The following TBC1D2B variants were observed in gnomAD, a reference collection of about 807,000 sequenced individuals.
TBC1D2B encodes the protein TBC1 domain family, member 2B.
Under a neutral mutation model 100.8 loss-of-function variants are expected in TBC1D2B, and 64 were observed. That is an observed-to-expected ratio of 0.64 (90% CI 0.52 to 0.78). TBC1D2B has a LOEUF of 0.78. Ranked by LOEUF, TBC1D2B falls within the 30% of genes least tolerant of loss-of-function variation. TBC1D2B has a pLI of 0.00. For missense variants in TBC1D2B, 1,052 were observed against 1,218.4 expected (o/e 0.86, Z 2.03); for synonymous variants, 480 against 479.7 (o/e 1.00, Z -0.01).
At chr15:78,029,592 T>A (rs948561611) in intron 4 of TBC1D2B, among the ~76,000 whole-genome samples, 2 of 152,208 alleles carry the variant, frequency 1.3e-5, no homozygotes, top group Admixed American at 1.3e-4. Context: ...TGACAGTGGG[T>A]GCAGGGAGGT....
Position 78,077,702 on chromosome 15 carries a change from C to A in TBC1D2B, c.-50G>T. On this transcript the variant is annotated 5_prime_UTR_variant, in exon 1 of 13. Transcript: ENST00000300584. ...GCCCGCGCCCTGCGCCTCCGCGCCGCGGCCGCTGCGCCCCCTACCCCCTCC... is the reference window on the plus strand; with the variant it reads ...GCCCGCGCCCTGCGCCTCCGCGCCGAGGCCGCTGCGCCCCCTACCCCCTCC... 1.0e-6 allele frequency: 1 copy of A among 984,926 alleles called. No individual in the cohort carries two copies. Among genetic ancestry groups the A allele is most frequent in the Non-Finnish European group, 1.2e-6 (1 of 829,896 alleles). 61.0% of individuals were successfully genotyped at this position (984,926 alleles called of 1,614,324 possible).
In TBC1D2B at chr15:78,010,899, T is replaced by C. The variant is rs1285482433; in HGVS notation, c.2271-1785A>G. ...GTGTAGACAGAAAGCTTCAATTATC[T>C]GGAAGTGTCATTTATGTAGGAAAAA... On this transcript the variant is annotated intron_variant, in intron 9 of 12. Coordinates refer to ENST00000300584, the MANE Select transcript of TBC1D2B (RefSeq NM_144572.2). Among the ~76,000 whole-genome samples, 3 of 152,180 alleles carry C rather than the reference T, an allele frequency of 2.0e-5. 1 individual carries two copies. Among genetic ancestry groups the C allele is most frequent in the African/African-American group, 7.2e-5 (3 of 41,444 alleles).
chr15:78,057,096 C>T (rs183026154), intron 1 of TBC1D2B, among the ~76,000 whole-genome samples: 14 of 152,276 alleles, frequency 9.2e-5, no homozygotes, highest in Admixed American at 2.6e-4. Context: ...AATGCAGGCA[C>T]CATGAAAAAT....
At chr15:78,011,074 A>G (rs188370688) in intron 9 of TBC1D2B, among the ~76,000 whole-genome samples, 95 of 152,304 alleles carry the variant, frequency 6.2e-4, no homozygotes, top group African/African-American at 2.1e-3. Flanking sequence ...GCTTTAAGCA[A>G]AACAAAACTG....
At chr15:78,068,060 C>T (rs1281481531) in intron 1 of TBC1D2B, among the ~76,000 whole-genome samples, 1 of 152,202 alleles carries the variant, frequency 6.6e-6, no homozygotes, top group Non-Finnish European at 1.5e-5. Context: ...CCTCCCCTTC[C>T]TTTACTATGG....
At chr15:78,055,064 C>A (rs2141808576) in intron 1 of TBC1D2B, among the ~76,000 whole-genome samples, 1 of 152,220 alleles carries the variant, frequency 6.6e-6, no homozygotes, top group Admixed American at 6.5e-5. Context: ...GTGAAAGAAG[C>A]CTGACCCAAA....
At position 78,012,957 on chromosome 15, in the gene TBC1D2B, C is replaced by T. The variant is rs1184727506; in HGVS notation, c.2136G>A (p.Leu712=). ...TGTTGGGCAGAGTTCGCAGCAAGTCCAGCTCAATCTGCTTGGAGGCTGGGT... is the reference window on the plus strand; with the variant it reads ...TGTTGGGCAGAGTTCGCAGCAAGTCTAGCTCAATCTGCTTGGAGGCTGGGT... The part of the protein sequence containing the change: ...KQNPASKQIE[L]DLLRTLPNNK... The change falls in exon 9 of 13, where the codon CTG becomes CTA. Residue 712 remains leucine (L), a synonymous_variant. Transcript: ENST00000300584. The T allele has an allele frequency of 1.9e-6, 3 of 1,578,572 alleles. No homozygotes were observed. The highest frequency in any genetic ancestry group is 2.6e-6 in the Non-Finnish European group (3 of 1,159,080).
chr15:78,051,112 C>T (rs573241778), intron 2 of TBC1D2B, among the ~76,000 whole-genome samples: 9 of 152,280 alleles, frequency 5.9e-5, no homozygotes, highest in African/African-American at 1.9e-4. Flanking sequence ...AGCTTGGGCC[C>T]TTCAGTGGCA....
At chr15:78,039,887 G>A (rs1233026774) in intron 3 of TBC1D2B, among the ~76,000 whole-genome samples, 1 of 152,126 alleles carries the variant, frequency 6.6e-6, no homozygotes, top group Non-Finnish European at 1.5e-5. Flanking sequence ...AACCTGGGCT[G>A]ACTACAATAT....
chr15:77,997,625 T>A lies in TBC1D2B; in HGVS notation c.*535A>T, dbSNP rs1232313151. 1 of 152,296 alleles carries A rather than the reference T, an allele frequency of 6.6e-6. No homozygotes were observed. The highest frequency in any genetic ancestry group is 1.5e-5 in the Non-Finnish European group (1 of 68,078). The allele number at this position is 152,296 out of a possible 1,614,324, so 9.4% of individuals were successfully genotyped here. ...GGGAGGTTCACAGGCTTTCCTACAG[T>A]GGCCATTTCTGAACAAGGGATGTGC... On this transcript the variant is annotated 3_prime_UTR_variant, in exon 13 of 13. Transcript: ENST00000300584.
At chr15:78,017,583 C>T (rs774684501) in intron 7 of TBC1D2B, among the ~76,000 whole-genome samples, 1 of 152,164 alleles carries the variant, frequency 6.6e-6, no homozygotes, top group Non-Finnish European at 1.5e-5. Flanking sequence ...AAACTGAACA[C>T]ATTTTCTGTA....
chr15:78,025,675 C>A, intron 4 of TBC1D2B, 178 bp from the exon 5 acceptor site: 1 of 399,786 alleles, frequency 2.5e-6, no homozygotes, highest in Non-Finnish European at 4.4e-6. Flanking sequence ...TACAAGCACC[C>A]GCCACCATGC....
intron 6 of TBC1D2B, among the ~76,000 whole-genome samples, chr15:78,019,936 CT>C (rs528542334): frequency 9.3e-4 from 141 of 151,692 alleles, no homozygotes; most frequent in African/African-American, 3.2e-3. Flanking sequence ...CTTGCCCAGG[CT>C]GGAGTGCAGT....
chr15:78,015,877 G>A (rs1484493501), intron 8 of TBC1D2B, among the ~76,000 whole-genome samples: 1 of 152,166 alleles, frequency 6.6e-6, no homozygotes, highest in Non-Finnish European at 1.5e-5. Context: ...GGCTGGTGCT[G>A]TAAGCTCAGA....
intron 3 of TBC1D2B, among the ~76,000 whole-genome samples, chr15:78,036,857 C>A (rs892950120): frequency 6.6e-6 from 1 of 152,158 alleles, no homozygotes; most frequent in African/African-American, 2.4e-5. Flanking sequence ...GTGGTCCAGG[C>A]TTCAGCTGGC....
At chr15:78,073,959 ACT>A (rs1292738653) in intron 1 of TBC1D2B, among the ~76,000 whole-genome samples, 7 of 146,614 alleles carry the variant, frequency 4.8e-5, no homozygotes, top group East Asian at 2.0e-4. Flanking sequence ...ACACAGCAAG[ACT>A]CTGTTTCAAA....
At chr15:78,076,577 T>C (rs1251445140) in intron 1 of TBC1D2B, among the ~76,000 whole-genome samples, 1 of 129,604 alleles carries the variant, frequency 7.7e-6, no homozygotes, top group Admixed American at 8.8e-5. Context: ...AGACCCCCGT[T>C]TCTTTAAAAA....
At chr15:78,001,237 T>C (rs1472571792) in intron 12 of TBC1D2B, among the ~76,000 whole-genome samples, 6 of 152,174 alleles carry the variant, frequency 3.9e-5, no homozygotes, top group Non-Finnish European at 8.8e-5. Context: ...ACAGCATGGA[T>C]CAAACGATGC....
At position 78,024,399 on chromosome 15, in the gene TBC1D2B, G is replaced by C. The variant is rs772736535; in HGVS notation, c.1227C>G (p.Thr409=). 1 of 1,614,056 alleles carries C rather than the reference G, an allele frequency of 6.2e-7. No individual in the cohort carries two copies. The highest frequency in any genetic ancestry group is 8.5e-7 in the Non-Finnish European group (1 of 1,179,898). The change falls in exon 6 of 13, where the codon ACC becomes ACG. Residue 409 remains threonine, a synonymous_variant. Coordinates refer to ENST00000300584, the MANE Select transcript of TBC1D2B (RefSeq NM_144572.2). The stretch of plus-strand genomic sequence containing the variant: ...CCAAGCTGAACCTCTCCAGCTGGCT[G>C]GTAAGGCCCAGAATCTGATCATCCT... ...HQKDDQILGL[T]SQLERFSLEK...
Sources: allele counts gnomAD v4.1 joint callset (sites outside exome capture counted in the v4.1 genomes callset), GRCh38; gene constraint gnomAD v4.1.1; transcripts MANE v1.5; gene names NCBI Gene and HGNC (gene_info 2026-07-23, HGNC 2026-07-21).